Variants in FNIP2 observed in about 807,000 individuals in gnomAD.
FNIP2 encodes folliculin-interacting protein 2.
FNIP2 carries 32 observed loss-of-function variants against 108.7 expected under a neutral mutation model. The observed-to-expected ratio is 0.29, with a 90% CI of 0.22 to 0.40. The LOEUF (loss-of-function observed/expected upper bound fraction) is 0.40, where lower values mean the gene tolerates loss of function less well. Ranked by LOEUF, FNIP2 falls within the 10% of genes least tolerant of loss-of-function variation. The pLI is 1.00. For missense variants in FNIP2, 1,202 were observed against 1,381.6 expected, an observed-to-expected ratio of 0.87 and a Z score of 2.06; for synonymous variants, 480 against 496.7, an observed-to-expected ratio of 0.97 and a Z score of 0.45.
intron 14 of FNIP2, among the ~76,000 whole-genome samples, chr4:158,876,671 C>T (rs546637930): frequency 2.6e-5 from 4 of 152,326 alleles, no homozygotes; most frequent in Non-Finnish European, 5.9e-5. Flanking sequence ...CTTTATTTTC[C>T]TTATATTCCC....
intron 1 of FNIP2, among the ~76,000 whole-genome samples, chr4:158,793,888 A>T (rs1030752616): frequency 1.3e-5 from 2 of 152,086 alleles, no homozygotes; most frequent in South Asian, 4.2e-4. Flanking sequence ...TCATACTTGT[A>T]CCCTACTATT....
intron 1 of FNIP2, among the ~76,000 whole-genome samples, chr4:158,800,358 A>G (rs1249912229): frequency 6.6e-6 from 1 of 152,212 alleles, no homozygotes; most frequent in Admixed American, 6.5e-5. Context: ...CTACGGCTAT[A>G]TACTTTTGCT....
chr4:158,786,648 T>C (rs188028981), intron 1 of FNIP2, among the ~76,000 whole-genome samples: 9 of 152,290 alleles, frequency 5.9e-5, no homozygotes, highest in Admixed American at 3.9e-4. Flanking sequence ...GTAATGAGAG[T>C]TCACAGTGGT....
chr4:158,878,259 CTG>C (rs1168514699), intron 14 of FNIP2, among the ~76,000 whole-genome samples: 2 of 152,152 alleles, frequency 1.3e-5, no homozygotes, highest in Non-Finnish European at 2.9e-5. Context: ...GGATGAAAGA[CTG>C]TGGTCTTGTG....
intron 7 of FNIP2, among the ~76,000 whole-genome samples, chr4:158,850,951 T>C (rs1779665285): frequency 6.6e-6 from 1 of 152,106 alleles, no homozygotes; most frequent in African/African-American, 2.4e-5. Flanking sequence ...TTTGTGTTCC[T>C]TTTTAAAGGA....
intron 14 of FNIP2, among the ~76,000 whole-genome samples, chr4:158,878,658 C>A (rs1300266451): frequency 6.6e-6 from 1 of 152,130 alleles, no homozygotes; most frequent in Non-Finnish European, 1.5e-5. Context: ...GATAGGCCCA[C>A]GTTCAGAAAT....
intron 1 of FNIP2, among the ~76,000 whole-genome samples, chr4:158,821,500 T>C (rs1777880209): frequency 6.6e-6 from 1 of 152,190 alleles, no homozygotes; most frequent in African/African-American, 2.4e-5. Context: ...ACAGTAACTG[T>C]TGGTTGAATG....
chr4:158,802,261 A>T (rs1776788186), intron 1 of FNIP2, among the ~76,000 whole-genome samples: 1 of 152,160 alleles, frequency 6.6e-6, no homozygotes, highest in Non-Finnish European at 1.5e-5. Context: ...TACCCGGATA[A>T]AGAGGAGGAT....
chr4:158,900,514 G>C (rs1729121873), intron 16 of FNIP2, among the ~76,000 whole-genome samples: 1 of 152,180 alleles, frequency 6.6e-6, no homozygotes, highest in Admixed American at 6.6e-5. Flanking sequence ...ATGAATCTGG[G>C]TCCTTCTGTA....
At chr4:158,900,496 C>G (rs1729121012) in intron 16 of FNIP2, among the ~76,000 whole-genome samples, 1 of 152,140 alleles carries the variant, frequency 6.6e-6, no homozygotes, top group Admixed American at 6.5e-5. Context: ...TCTTTAAGAA[C>G]TTGCTTTATG....
intron 1 of FNIP2, among the ~76,000 whole-genome samples, chr4:158,802,512 C>G (rs946612115): frequency 6.6e-6 from 1 of 152,146 alleles, no homozygotes; most frequent in African/African-American, 2.4e-5. Flanking sequence ...CTCCTCCAAG[C>G]TACGTTTCTC....
intron 16 of FNIP2, among the ~76,000 whole-genome samples, 166 bp from the exon 17 acceptor site, chr4:158,904,300 G>GAGTA (rs1729631523): frequency 6.6e-6 from 1 of 152,142 alleles, no homozygotes; most frequent in Non-Finnish European, 1.5e-5. Context: ...TTTATTAAAA[G>GAGTA]AGTAAGTTTA....
At chr4:158,827,855 A>G (rs1778243055) in intron 2 of FNIP2, among the ~76,000 whole-genome samples, 1 of 152,172 alleles carries the variant, frequency 6.6e-6, no homozygotes, top group African/African-American at 2.4e-5. Flanking sequence ...GGCAAGCACA[A>G]AACGTCATGA....
intron 1 of FNIP2, among the ~76,000 whole-genome samples, chr4:158,779,846 A>T (rs2126418141): frequency 6.6e-6 from 1 of 151,866 alleles, no homozygotes; most frequent in Non-Finnish European, 1.5e-5. Flanking sequence ...AGCCTCCCAA[A>T]GTGCTGGGAT....
At chr4:158,893,048 G>C (rs1479073101) in intron 15 of FNIP2, 1 of 152,226 alleles carries the variant, frequency 6.6e-6, no homozygotes, top group Non-Finnish European at 1.5e-5. Flanking sequence ...ACTGAGCGTA[G>C]CTGGGTTATG....
At chr4:158,858,979 C>T in intron 8 of FNIP2, 78 bp from the exon 9 acceptor site, 9 of 1,149,732 alleles carry the variant, frequency 7.8e-6, no homozygotes, top group Non-Finnish European at 1.2e-5. Flanking sequence ...TTCTGGGTGT[C>T]ATCCCCAGTC....
Position 158,868,300 on chromosome 4 carries a change from C to G in FNIP2, c.1664C>G (p.Thr555Arg), listed in dbSNP as rs1384063293. The G allele has an allele frequency of 6.2e-7, 1 of 1,614,062 alleles. No homozygotes were observed. The highest frequency in any genetic ancestry group is 8.5e-7 in the Non-Finnish European group (1 of 1,179,906). The change falls in exon 13 of 17, where the codon ACA becomes AGA. Residue 555 changes from threonine (T) to arginine (R), a missense_variant. Coordinates refer to ENST00000264433, the MANE Select transcript of FNIP2 (RefSeq NM_020840.3). This position sits in a 1 kb window ranked among gnomAD's most constrained non-coding sequence, Gnocchi z 4.6. ...DQVLNGSKII[T>R]ALEKGEVEES... ...GTTTTAAATGGGAGCAAGATCATAA[C>G]AGCCTTGGAGAAAGGAGAGGTGGAG...
chr4:158,896,802 A>C (rs1421666929), intron 16 of FNIP2, among the ~76,000 whole-genome samples: 22 of 140,590 alleles, frequency 1.6e-4, no homozygotes, highest in Admixed American at 4.9e-4. Flanking sequence ...TTTTGTTTAT[A>C]TCTCTCTACC....
intron 1 of FNIP2, among the ~76,000 whole-genome samples, chr4:158,818,723 T>C (rs1777712180): frequency 6.6e-6 from 1 of 152,240 alleles, no homozygotes; most frequent in African/African-American, 2.4e-5. Context: ...ATTGTGTATC[T>C]GAGTAGATCT....
Sources: allele counts gnomAD v4.1 joint callset (sites outside exome capture counted in the v4.1 genomes callset), GRCh38; gene constraint gnomAD v4.1.1; non-coding constraint Gnocchi (gnomAD v3.1); transcripts MANE v1.5; gene names NCBI Gene and HGNC (gene_info 2026-07-23, HGNC 2026-07-21).